The following PAPLN variants were observed in gnomAD, a reference collection of about 807,000 sequenced individuals.
PAPLN encodes papilin, proteoglycan like sulfated glycoprotein.
PAPLN carries 146 observed loss-of-function variants against 159.0 expected under a neutral mutation model. The observed-to-expected ratio is 0.92, with a 90% CI of 0.80 to 1.05. The LOEUF (loss-of-function observed/expected upper bound fraction) is 1.05. Among genes scored for constraint, PAPLN ranks in the 50% least tolerant of loss-of-function variants. The pLI, the probability that PAPLN is intolerant of heterozygous loss-of-function variation, is 0.00. For synonymous variants in PAPLN, 734 were observed against 702.9 expected (o/e 1.04, Z -0.70); for missense variants, 1,720 against 1,743.9 (o/e 0.99, Z 0.24).
chr14:73,252,873 G>T, intron 11 of PAPLN, 98 bp downstream of exon 11: 1 of 1,543,894 alleles, frequency 6.5e-7, no homozygotes, highest in South Asian at 1.2e-5. Context: ...GAACAAAGAG[G>T]TGGGGGTCCA....
At chr14:73,263,359 C>T (rs1403773741) in intron 19 of PAPLN, 5 of 533,350 alleles carry the variant, frequency 9.4e-6, no homozygotes, top group Non-Finnish European at 1.7e-5. Context: ...CTGGTGTGTG[C>T]CGTCCCTCCC....
rs916125311 is a variant in PAPLN, at chr14:73,254,958, C to T, written c.1567C>T (p.Gln523Ter). The T allele has an allele frequency of 6.2e-7, 1 of 1,613,742 alleles. No individual in the cohort carries two copies. The highest frequency in any genetic ancestry group is 1.1e-5 in the South Asian group (1 of 91,076). ...GCCGCCCAGCCACTGCGGGAGCCTG[C>T]AGCACTCCAAGCCTGTGGATGTGGA... ...IGPPSHCGSL[Q>*]HSKPVDVEPC... The change falls in exon 14 of 27, where the codon CAG (glutamine) becomes TAG (stop). Residue 523 changes from glutamine (Q) to a stop codon, truncating the protein, a stop_gained. Transcript: ENST00000644200. LOFTEE classifies it high-confidence loss of function.
At chr14:73,259,570 T>G in intron 16 of PAPLN, 25 bp downstream of exon 16, 1 of 1,479,574 alleles carries the variant, frequency 6.8e-7, no homozygotes. Context: ...CAGGTCTTCC[T>G]CCTCCCCCGT....
At position 73,251,779 on chromosome 14, in the gene PAPLN, C is replaced by T. The variant is rs1375907564; in HGVS notation, c.786C>T (p.Asp262=). 1 of 1,609,662 alleles carries T rather than the reference C, an allele frequency of 6.2e-7. No homozygotes were observed. Among genetic ancestry groups the T allele is most frequent in the Non-Finnish European group, 8.5e-7 (1 of 1,178,884 alleles). The change falls in exon 9 of 27, where the codon GAC becomes GAT. Residue 262 remains aspartate, a synonymous_variant. Coordinates refer to ENST00000644200, the MANE Select transcript of PAPLN (RefSeq NM_001365906.3). ...ILHYERGAEG[D]LAPERLHARG... Reference sequence around the variant, plus strand: ...ATTACGAGCGGGGTGCTGAGGGGGACCTGGCCCCTGAGCGACTCCATGCCC... The same window carrying T: ...ATTACGAGCGGGGTGCTGAGGGGGATCTGGCCCCTGAGCGACTCCATGCCC...
At chr14:73,254,718 C>CTTG in intron 13 of PAPLN, 23 bp downstream of exon 13, 1 of 1,608,568 alleles carries the variant, frequency 6.2e-7, no homozygotes, top group African/African-American at 1.3e-5. Flanking sequence ...CACCCCCACA[C>CTTG]CTGCTGCCTG....
upstream of PAPLN, among the ~76,000 whole-genome samples, chr14:73,236,827 AAAG>A (rs1883058985): frequency 6.6e-6 from 1 of 151,426 alleles, no homozygotes; most frequent in Non-Finnish European, 1.5e-5. Flanking sequence ...AAAAAAAAAA[AAAG>A]AAAAGGAGGG....
rs770834381 is a variant in PAPLN at position 73,253,795 on chromosome 14, G to A, written c.1136G>A (p.Gly379Glu). The change falls in exon 12 of 27, where the codon GGA (glycine) becomes GAA (glutamate). Residue 379 changes from glycine (G) to glutamate (E), a missense_variant. Coordinates refer to ENST00000644200, the MANE Select transcript of PAPLN (RefSeq NM_001365906.3). The part of the protein sequence containing the change: ...GPWAPCSASC[G>E]GGSQSRSVYC... ...TGGGCACCCTGCTCAGCCTCCTGTG[G>A]AGGAGGCTCCCAGTCCCGCTCCGTG... 6.2e-7 allele frequency: 1 copy of A among 1,610,018 alleles called. No homozygotes were observed. Among genetic ancestry groups the A allele is most frequent in the Non-Finnish European group, 8.5e-7 (1 of 1,177,220 alleles).
At position 73,245,073 on chromosome 14, in the gene PAPLN, T is replaced by G; in HGVS notation, c.170+314T>G. 1 of 252,250 alleles carries G rather than the reference T, an allele frequency of 4.0e-6. No individual in the cohort carries two copies. Among genetic ancestry groups the G allele is most frequent in the Non-Finnish European group, 7.7e-6 (1 of 130,008 alleles). 15.6% of individuals were successfully genotyped at this position (252,250 alleles called of 1,614,324 possible). On this transcript the variant is annotated intron_variant, in intron 3 of 26. Coordinates refer to ENST00000644200, the MANE Select transcript of PAPLN (RefSeq NM_001365906.3). This position sits in a 1 kb window ranked among gnomAD's most constrained non-coding sequence, Gnocchi z 4.2. ...CTGGTAAATAATCTTCAACCGGCAG[T>G]TCCCAATTCCTGTGGTTTCTTTACC...
Position 73,259,353 on chromosome 14 carries a change from A to G in PAPLN, c.1793A>G (p.Asp598Gly), listed in dbSNP as rs761601526. 3.1e-6 allele frequency: 5 copies of G among 1,611,766 alleles called. No homozygotes were observed. The East Asian group carries it at 1.1e-4, about 36-fold the overall frequency. Residue 598 changes from aspartate (D) to glycine (G), a missense_variant, in exon 16 of 27, where the codon GAC becomes GGC. Transcript: ENST00000644200. ...GGAGAACGAGGTGACCCCAGGGGCGACCAAGGCACCCACCTGTCAGCCCTG... is the reference window on the plus strand; with the variant it reads ...GGAGAACGAGGTGACCCCAGGGGCGGCCAAGGCACCCACCTGTCAGCCCTG... ...HRGERGDPRGDQGTHLSALGP... is the reference protein window; with the variant it reads ...HRGERGDPRGGQGTHLSALGP...
intron 14 of PAPLN, among the ~76,000 whole-genome samples, chr14:73,257,067 G>A (rs1885993879): frequency 6.6e-6 from 1 of 152,106 alleles, no homozygotes. Flanking sequence ...CACGTTCTGG[G>A]CTCAAGGGCT....
chr14:73,250,139 T>C lies in PAPLN; in HGVS notation c.465+25T>C, dbSNP rs529496779. On this transcript the variant is annotated intron_variant, in intron 6 of 26. Coordinates refer to ENST00000644200, the MANE Select transcript of PAPLN (RefSeq NM_001365906.3). Reference sequence around the variant, plus strand: ...GGTGAGTGGTGCCCCAGCCCCTCCCTGCCTCCGGGCTGCCTGGGGGCTCAG... The same window carrying C: ...GGTGAGTGGTGCCCCAGCCCCTCCCCGCCTCCGGGCTGCCTGGGGGCTCAG... 6 of 1,586,866 alleles carry C rather than the reference T, an allele frequency of 3.8e-6. No individual in the cohort carries two copies. The South Asian group carries it at 7.0e-5, about 18-fold the overall frequency.
Position 73,239,803 on chromosome 14 carries a change from C to T in PAPLN, c.25C>T (p.Leu9=). 1.3e-6 allele frequency: 2 copies of T among 1,594,844 alleles called. No homozygotes were observed. Among genetic ancestry groups the T allele is most frequent in the Non-Finnish European group, 8.5e-7 (1 of 1,176,380 alleles). Reference sequence around the variant, plus strand: ...GATGCGGCTGCTCCTGCTCGTGCCGCTGCTGCTGGCTCCAGCGCCCGGGTC... The same window carrying T: ...GATGCGGCTGCTCCTGCTCGTGCCGTTGCTGCTGGCTCCAGCGCCCGGGTC... MRLLLLVP[L]LLAPAPGSSA... Residue 9 remains leucine (L), a synonymous_variant, in exon 2 of 27, where the codon CTG becomes TTG. Transcript: ENST00000644200.
chr14:73,250,175 T>A lies in PAPLN; in HGVS notation c.465+61T>A, dbSNP rs922930088. On this transcript the variant is annotated intron_variant, in intron 6 of 26. Transcript: ENST00000644200. ...TGCCTGGGGGCTCAGTGCGGGTGTTTCCCTGTCCATCACCCATAGGCCCAG... is the reference window on the plus strand; with the variant it reads ...TGCCTGGGGGCTCAGTGCGGGTGTTACCCTGTCCATCACCCATAGGCCCAG... 6 of 1,499,848 alleles carry A rather than the reference T, an allele frequency of 4.0e-6. No individual in the cohort carries two copies. The African/African-American group carries it at 8.3e-5, about 21-fold the overall frequency. The allele number at this position is 1,499,848 out of a possible 1,614,324, so 92.9% of individuals were successfully genotyped here.
At position 73,248,531 on chromosome 14, in the gene PAPLN, C is replaced by T. The variant is rs547053753; in HGVS notation, c.335-1453C>T. ...TAAATATAAAAATTAAGGTAGGGTA[C>T]AGTGGCTCATGCCCGTAATCCCAGC... On this transcript the variant is annotated intron_variant, in intron 5 of 26. Coordinates refer to ENST00000644200, the MANE Select transcript of PAPLN (RefSeq NM_001365906.3). 3.3e-5 allele frequency among the ~76,000 whole-genome samples: 5 copies of T among 152,244 alleles called. No individual in the cohort carries two copies. In the East Asian group the frequency reaches 9.6e-4, roughly 29 times the overall value.
In PAPLN at chr14:73,262,466, C is replaced by G; in HGVS notation, c.2362C>G (p.His788Asp). Residue 788 changes from histidine to aspartate, a missense_variant, in exon 19 of 27, where the codon CAT (histidine) becomes GAT (aspartate). Coordinates refer to ENST00000644200, the MANE Select transcript of PAPLN (RefSeq NM_001365906.3). ...TAACCGCTTCTGGTATGGCGGCTGC[C>G]ATGGCAATGCCAATAACTTTGCCTC... The part of the protein sequence containing the change: ...QCNRFWYGGC[H>D]GNANNFASEQ... The G allele has an allele frequency of 6.2e-7, 1 of 1,610,476 alleles. No individual in the cohort carries two copies. The highest frequency in any genetic ancestry group is 1.1e-5 in the South Asian group (1 of 90,668).
intron 1 of PAPLN, among the ~76,000 whole-genome samples, chr14:73,238,410 G>A (rs1329630607): frequency 1.3e-5 from 2 of 152,262 alleles, no homozygotes; most frequent in Admixed American, 1.3e-4. Flanking sequence ...ACTGGCCTTG[G>A]AGTTGAAGGG....
Position 73,264,174 on chromosome 14 carries a change from G to T in PAPLN, c.2862-37G>T, listed in dbSNP as rs201632055. The T allele has an allele frequency of 1.3e-5, 21 of 1,611,448 alleles. 1 individual carries two copies. The South Asian group carries it at 1.9e-4, about 14-fold the overall frequency. ...GGAAGACTCACTGTTGCCCTTGGGAGCCCAGAGCTCATGTCCTCCCACACC... is the reference window on the plus strand; with the variant it reads ...GGAAGACTCACTGTTGCCCTTGGGATCCCAGAGCTCATGTCCTCCCACACC... On this transcript the variant is annotated intron_variant, in intron 20 of 26. Coordinates refer to ENST00000644200, the MANE Select transcript of PAPLN (RefSeq NM_001365906.3).
Position 73,263,791 on chromosome 14 carries a change from G to T in PAPLN, c.2861+9G>T. ...CCCATCTCCTCTGACAGGTGGGTGA[G>T]AGTCCCCCCACCTCCTCTGACAGGT... On this transcript the variant is annotated intron_variant, in intron 20 of 26. Coordinates refer to ENST00000644200, the MANE Select transcript of PAPLN (RefSeq NM_001365906.3). 1 of 1,598,204 alleles carries T rather than the reference G, an allele frequency of 6.3e-7. No individual in the cohort carries two copies.
At chr14:73,242,157 C>T (rs148875885) in intron 2 of PAPLN, among the ~76,000 whole-genome samples, 7 of 152,374 alleles carry the variant, frequency 4.6e-5, no homozygotes, top group Non-Finnish European at 8.8e-5. Flanking sequence ...GTGGACAGAG[C>T]ACGGCTCTAG....
Sources: allele counts gnomAD v4.1 joint callset (sites outside exome capture counted in the v4.1 genomes callset), GRCh38; gene constraint gnomAD v4.1.1; non-coding constraint Gnocchi (gnomAD v3.1); transcripts MANE v1.5; gene names NCBI Gene and HGNC (gene_info 2026-07-23, HGNC 2026-07-21).